CARS2: variants seen among roughly 807,000 people sequenced by gnomAD.
CARS2 encodes probable cysteine--tRNA ligase, mitochondrial.
A neutral mutation model predicts 68.8 loss-of-function variants in CARS2; 52 were observed. The ratio of observed to expected loss-of-function variants is 0.76; its 90% CI spans 0.61 to 0.95. The LOEUF (loss-of-function observed/expected upper bound fraction) is 0.95, where lower values mean the gene tolerates loss of function less well. Ranked by LOEUF, CARS2 falls within the 40% of genes least tolerant of loss-of-function variation. The pLI is 0.00. For synonymous variants in CARS2, 314 were observed against 303.6 expected, an observed-to-expected ratio of 1.03 and a Z score of -0.36; for missense variants, 780 against 754.2, an observed-to-expected ratio of 1.03 and a Z score of -0.40.
intron 13 of CARS2, chr13:110,642,772 G>A (rs767791882): frequency 2.7e-6 from 2 of 729,338 alleles, no homozygotes; most frequent in Non-Finnish European, 5.0e-6. Flanking sequence ...TCGGGAGTTG[G>A]AAGAAAGGGC....
chr13:110,646,056 A>G lies in CARS2; in HGVS notation c.1228T>C (p.Leu410=), dbSNP rs368099040. The change falls in exon 12 of 15, where the codon TTG becomes CTG. Residue 410 remains leucine, a synonymous_variant. Transcript: ENST00000257347. ...CTGGGTGTGTCAAAATCATCTGCCA[A>G]GGCCGCCTTCACGGCCCTCTTGGTG... ...SSTKRAVKAA[L]ADDFDTPRVV... 7 of 1,613,326 alleles carry G rather than the reference A, an allele frequency of 4.3e-6. No homozygotes were observed. Among genetic ancestry groups the G allele is most frequent in the Non-Finnish European group, 5.9e-6 (7 of 1,179,794 alleles).
rs1472342156 is a variant in CARS2, at chr13:110,653,583, G to T, written c.988-2483C>A. ...CTCAAAGGGGTTTTCCTCTCAGAAT[G>T]TAAACGCATGCAGAATTAGCCTCAA... On this transcript the variant is annotated intron_variant, in intron 9 of 14. Transcript: ENST00000257347. The surrounding 1 kb of genome is among the most constrained non-coding windows in gnomAD (Gnocchi z 5.6). 6.6e-6 allele frequency among the ~76,000 whole-genome samples: 1 copy of T among 152,206 alleles called. No homozygotes were observed. Among genetic ancestry groups the T allele is most frequent in the Non-Finnish European group, 1.5e-5 (1 of 68,050 alleles).
intron 9 of CARS2, among the ~76,000 whole-genome samples, chr13:110,654,942 G>GAAAA (rs1555345847): frequency 3.0e-5 from 3 of 99,702 alleles, no homozygotes; most frequent in South Asian, 3.2e-4. Context: ...AAAAGAAAAA[G>GAAAA]AAAAAAAAAG....
In CARS2 at chr13:110,706,041, G is replaced by T; in HGVS notation, c.53C>A (p.Ala18Glu). The change falls in exon 1 of 15, where the codon GCG (alanine) becomes GAG (glutamate). Residue 18 changes from alanine (A) to glutamate (E), a missense_variant. Ala to Glu is a moderately radical substitution (Grantham distance 107). Coordinates refer to ENST00000257347, the MANE Select transcript of CARS2 (RefSeq NM_024537.4). ...PGLGPPLLQA[A>E]LGLGRAGWHW... ...CCACCCAGCCCGCCCAAGGCCCAGC[G>T]CGGCCTGGAGCAGCGGGGGGCCCAG... 7.3e-7 allele frequency: 1 copy of T among 1,368,856 alleles called. No individual in the cohort carries two copies. The highest frequency in any genetic ancestry group is 9.4e-7 in the Non-Finnish European group (1 of 1,063,220). 84.8% of individuals were successfully genotyped at this position (1,368,856 alleles called of 1,614,324 possible).
intron 8 of CARS2, chr13:110,666,539 C>T (rs2062653877): frequency 2.2e-5 from 22 of 985,378 alleles, no homozygotes; most frequent in Admixed American, 6.1e-5. Context: ...GAAGTGACTT[C>T]GGGGCAATCA....
intron 3 of CARS2, among the ~76,000 whole-genome samples, chr13:110,690,325 A>G (rs369769274): frequency 2.0e-5 from 3 of 152,358 alleles, no homozygotes; most frequent in African/African-American, 7.2e-5. Flanking sequence ...AATGGCATGA[A>G]GGGGTGCCCA....
At chr13:110,666,416 A>T in intron 8 of CARS2, 1 of 985,364 alleles carries the variant, frequency 1.0e-6, no homozygotes, top group Non-Finnish European at 1.2e-6. Context: ...TCATTTTTAG[A>T]CAAAAACTGG....
At chr13:110,651,232 A>G (rs917726206) in intron 9 of CARS2, 132 bp from the exon 10 acceptor site, 1 of 599,936 alleles carries the variant, frequency 1.7e-6, no homozygotes. Flanking sequence ...GATGAAAATG[A>G]GCCCTCCAAA....
rs1295368394 is a variant in CARS2 at position 110,706,041 on chromosome 13, G to A, written c.53C>T (p.Ala18Val). The A allele has an allele frequency of 6.6e-6, 9 of 1,368,748 alleles. No homozygotes were observed. The highest frequency in any genetic ancestry group is 3.2e-5 in the Admixed American group (1 of 31,328). The allele number at this position is 1,368,748 out of a possible 1,614,324, so 84.8% of individuals were successfully genotyped here. A position where few individuals can be genotyped will look rare whatever the true frequency, so the allele number is the denominator to read the frequency against. The change falls in exon 1 of 15, where the codon GCG becomes GTG. Residue 18 changes from alanine to valine, a missense_variant. Transcript: ENST00000257347. ...CCACCCAGCCCGCCCAAGGCCCAGC[G>A]CGGCCTGGAGCAGCGGGGGGCCCAG... ...PGLGPPLLQA[A>V]LGLGRAGWHW... is the part of the protein sequence containing the mutation.
At chr13:110,645,101 G>T (rs2986322) in intron 12 of CARS2, 45,975 of 153,004 alleles carry the variant, frequency 0.3, 8,988 homozygotes, top group African/African-American at 0.56. Flanking sequence ...GCCTGGCTGC[G>T]GGACCTGCCC....
upstream of CARS2, among the ~76,000 whole-genome samples, chr13:110,710,935 A>AT (rs377250322): frequency 0.62 from 92,873 of 149,586 alleles, 30,614 homozygotes; most frequent in South Asian, 0.77. Context: ...CTGTGTTGTG[A>AT]TTTTTTTTTT....
chr13:110,657,169 A>C (rs1468310592), intron 9 of CARS2, among the ~76,000 whole-genome samples: 1 of 151,756 alleles, frequency 6.6e-6, no homozygotes, highest in African/African-American at 2.4e-5. Context: ...AGGAAAATAA[A>C]GAGCTAAAAC....
rs2063439950 is a variant in CARS2 at position 110,690,882 on chromosome 13, C to G, written c.394-2864G>C. Reference sequence around the variant, plus strand: ...GCTGACAAGTGCTTTGCTCTTTAAGCTTTTACCTCTTTTGAGTAAATCTGA... The same window carrying G: ...GCTGACAAGTGCTTTGCTCTTTAAGGTTTTACCTCTTTTGAGTAAATCTGA... On this transcript the variant is annotated intron_variant, in intron 3 of 14. Coordinates refer to ENST00000257347, the MANE Select transcript of CARS2 (RefSeq NM_024537.4). Among the ~76,000 whole-genome samples the G allele has an allele frequency of 4.6e-5, 7 of 152,348 alleles. 1 individual carries two copies. The Middle Eastern group carries it at 0.024, about 518-fold the overall frequency.
At chr13:110,693,747 C>G (rs1247352006) in intron 3 of CARS2, among the ~76,000 whole-genome samples, 1 of 152,114 alleles carries the variant, frequency 6.6e-6, no homozygotes, top group Non-Finnish European at 1.5e-5. Context: ...GCTGCTTTCT[C>G]ACTGCCATAA....
intron 3 of CARS2, among the ~76,000 whole-genome samples, chr13:110,701,112 G>T (rs1330534347): frequency 6.6e-6 from 1 of 151,834 alleles, no homozygotes; most frequent in Non-Finnish European, 1.5e-5. Context: ...ACCCAGGTTG[G>T]AGTGCAGTGG....
At position 110,705,557 on chromosome 13, in the gene CARS2, G is replaced by T. The variant is rs1159107534; in HGVS notation, c.239C>A (p.Pro80Gln). The change falls in exon 2 of 15, where the codon CCA (proline) becomes CAA (glutamine). Residue 80 changes from proline to glutamine, a missense_variant. By Grantham distance (76) the Pro-to-Gln change is moderately conservative. Transcript: ENST00000257347. The surrounding 1 kb of genome is among the most constrained non-coding windows in gnomAD (Gnocchi z 4.0). ...AEAASWYSCGPTVYDHAHLGH... is the reference protein window; with the variant it reads ...AEAASWYSCGQTVYDHAHLGH... ...AAGGTGCGCATGATCATATACAGTTGGTCCACAGCTATACCTGGAAACAAA... is the reference window on the plus strand; with the variant it reads ...AAGGTGCGCATGATCATATACAGTTTGTCCACAGCTATACCTGGAAACAAA... 1.2e-6 allele frequency: 2 copies of T among 1,612,782 alleles called. No homozygotes were observed. The highest frequency in any genetic ancestry group is 1.1e-5 in the South Asian group (1 of 91,000).
intron 6 of CARS2, among the ~76,000 whole-genome samples, chr13:110,682,546 T>A (rs565521396): frequency 1.3e-5 from 2 of 152,344 alleles, no homozygotes; most frequent in South Asian, 4.1e-4. Flanking sequence ...AGTATCCTTT[T>A]CAAATTATTT....
At chr13:110,693,209 A>G (rs903453923) in intron 3 of CARS2, among the ~76,000 whole-genome samples, 1 of 152,184 alleles carries the variant, frequency 6.6e-6, no homozygotes, top group South Asian at 2.1e-4. Context: ...CATCAGGTAG[A>G]ATACACCCCA....
chr13:110,683,834 T>C (rs1049805711), intron 5 of CARS2, among the ~76,000 whole-genome samples: 3 of 152,240 alleles, frequency 2.0e-5, no homozygotes, highest in East Asian at 3.9e-4. Flanking sequence ...CTGGGCAACA[T>C]AGTGAGACCC....
Sources: allele counts gnomAD v4.1 joint callset (sites outside exome capture counted in the v4.1 genomes callset), GRCh38; gene constraint gnomAD v4.1.1; non-coding constraint Gnocchi (gnomAD v3.1); transcripts MANE v1.5; gene names NCBI Gene and HGNC (gene_info 2026-07-23, HGNC 2026-07-21).